The following THADA variants were observed in gnomAD, a reference collection of about 807,000 sequenced individuals.
THADA encodes tRNA (32-2'-O)-methyltransferase regulator THADA.
A neutral mutation model predicts 219.8 loss-of-function variants in THADA; 213 were observed. That is an observed-to-expected ratio of 0.97 (90% CI 0.87 to 1.09). The LOEUF (loss-of-function observed/expected upper bound fraction) is 1.09. THADA is among the 50% of genes least tolerant of loss of function. The probability of loss-of-function intolerance (pLI) is 0.00; values close to 1 mark genes in which losing one functional copy is unlikely to be tolerated. For missense variants in THADA, 2,956 were observed against 2,311.3 expected (o/e 1.28, Z -5.72); for synonymous variants, 1,018 against 828.9 (o/e 1.23, Z -3.92).
chr2:43,260,152 C>T (rs1301388057), intron 36 of THADA, among the ~76,000 whole-genome samples: 1 of 152,130 alleles, frequency 6.6e-6, no homozygotes, highest in African/African-American at 2.4e-5. Context: ...TCCAGCTGGT[C>T]TCGAACTCCT....
intron 21 of THADA, among the ~76,000 whole-genome samples, chr2:43,535,558 G>A (rs965086397): frequency 6.7e-6 from 1 of 149,382 alleles, no homozygotes; most frequent in African/African-American, 2.5e-5. Flanking sequence ...GCACATGCTT[G>A]TAATCGAAGC....
At chr2:43,430,694 C>T (rs1170586960) in intron 26 of THADA, 1 of 455,274 alleles carries the variant, frequency 2.2e-6, no homozygotes, top group South Asian at 1.6e-5. Flanking sequence ...AACAAGCGTT[C>T]CCAACCCTGG....
At chr2:43,531,433 G>A (rs188084983) in intron 21 of THADA, among the ~76,000 whole-genome samples, 1 of 152,308 alleles carries the variant, frequency 6.6e-6, no homozygotes, top group East Asian at 1.9e-4. Context: ...CTGGCTGAGT[G>A]ACCTAGAGGT....
intron 29 of THADA, among the ~76,000 whole-genome samples, chr2:43,344,896 T>C (rs1406929347): frequency 6.6e-6 from 1 of 152,148 alleles, no homozygotes; most frequent in African/African-American, 2.4e-5. Context: ...GATTCAGCAA[T>C]GACATCCGCA....
chr2:43,514,672 T>C (rs1168339841), intron 22 of THADA, among the ~76,000 whole-genome samples: 7 of 85,686 alleles, frequency 8.2e-5, no homozygotes. Context: ...TAATAATATA[T>C]AATATATTAT....
chr2:43,313,971 A>G (rs1677795809), intron 31 of THADA, among the ~76,000 whole-genome samples: 1 of 152,260 alleles, frequency 6.6e-6, no homozygotes, highest in Non-Finnish European at 1.5e-5. Context: ...AAGGAACATT[A>G]GTACTTTCTT....
chr2:43,289,102 A>G (rs1407467052), intron 34 of THADA, among the ~76,000 whole-genome samples: 3 of 152,256 alleles, frequency 2.0e-5, no homozygotes, highest in Admixed American at 6.5e-5. Context: ...TTTACTTAGC[A>G]TAATGTTTTC....
intron 29 of THADA, among the ~76,000 whole-genome samples, chr2:43,393,043 T>C (rs1168828783): frequency 6.6e-6 from 1 of 152,204 alleles, no homozygotes; most frequent in Non-Finnish European, 1.5e-5. Context: ...GTGGGGCAAC[T>C]ATGGACTTGG....
intron 29 of THADA, among the ~76,000 whole-genome samples, chr2:43,353,017 C>A (rs1486516646): frequency 6.6e-6 from 1 of 152,152 alleles, no homozygotes; most frequent in Non-Finnish European, 1.5e-5. Flanking sequence ...CTGTGTCTGG[C>A]TTATTTCTCT....
rs549337182 is a variant in THADA at position 43,475,202 on chromosome 2, A to T, written c.3836+10032T>A. 4.9e-4 allele frequency among the ~76,000 whole-genome samples: 74 copies of T among 152,206 alleles called. 2 individuals carry two copies. In the South Asian group the frequency reaches 0.015, roughly 31 times the overall value. ...GAGGCTGAGGTGGGTGGATCACTTG[A>T]GCTCAGGAATTTGAGACCAGCCTGG... On this transcript the variant is annotated intron_variant, in intron 26 of 37. Coordinates refer to ENST00000405975, the MANE Select transcript of THADA (RefSeq NM_022065.5).
chr2:43,282,647 T>C (rs192092923), intron 35 of THADA, among the ~76,000 whole-genome samples: 187 of 152,212 alleles, frequency 1.2e-3, no homozygotes, highest in Non-Finnish European at 2.2e-3. Context: ...GAGGGCAGGG[T>C]TGGGGTTGAA....
Position 43,291,736 on chromosome 2 carries a change from G to A in THADA, c.4970C>T (p.Ala1657Val). ...CATGTGGTGGGAAATGACTTTGGAA[G>A]CAAGTCTCAGAGCTACACTCTGAAT... Reference protein sequence around the residue: ...SEIQSVALRLASKVISHHMQT... With the variant: ...SEIQSVALRLVSKVISHHMQT... Residue 1657 changes from alanine (A) to valine (V), a missense_variant, in exon 34 of 38, where the codon GCT becomes GTT. By Grantham distance (64) the Ala-to-Val change is moderately conservative. Coordinates refer to ENST00000405975, the MANE Select transcript of THADA (RefSeq NM_022065.5). The A allele has an allele frequency of 1.3e-6, 2 of 1,556,112 alleles. No individual in the cohort carries two copies. The highest frequency in any genetic ancestry group is 1.7e-6 in the Non-Finnish European group (2 of 1,148,426).
intron 29 of THADA, among the ~76,000 whole-genome samples, chr2:43,369,259 ACTCATGTCTTC>A (rs542801956): frequency 6.6e-6 from 1 of 151,990 alleles, no homozygotes; most frequent in East Asian, 1.9e-4. Flanking sequence ...TGTCCTCCTT[ACTCATGTCTTC>A]CTGCCCACTT....
chr2:43,580,730 A>G (rs1700341918), intron 8 of THADA, among the ~76,000 whole-genome samples: 1 of 151,868 alleles, frequency 6.6e-6, no homozygotes, highest in African/African-American at 2.4e-5. Context: ...CAAAAAAAAA[A>G]TTAGCCAGGC....
chr2:43,235,407 C>T (rs528481902), intron 36 of THADA, among the ~76,000 whole-genome samples: 13 of 152,146 alleles, frequency 8.5e-5, no homozygotes, highest in African/African-American at 3.1e-4. Context: ...GATTCTCCTG[C>T]CTCAGCCTCC....
intron 26 of THADA, among the ~76,000 whole-genome samples, chr2:43,453,179 C>T (rs17030818): frequency 0.11 from 16,765 of 152,228 alleles, 1,055 homozygotes; most frequent in African/African-American, 0.16. Flanking sequence ...CTGGTATACA[C>T]ATATTTTCCC....
intron 28 of THADA, among the ~76,000 whole-genome samples, chr2:43,403,005 C>A (rs1365954285): frequency 6.6e-6 from 1 of 152,202 alleles, no homozygotes; most frequent in Non-Finnish European, 1.5e-5. Flanking sequence ...CTAGTATGTG[C>A]CAGGACTGGC....
At chr2:43,573,648 CTT>C (rs34752311) in intron 11 of THADA, among the ~76,000 whole-genome samples, 2 of 152,118 alleles carry the variant, frequency 1.3e-5, no homozygotes, top group Admixed American at 1.3e-4. Flanking sequence ...CATGGTTACT[CTT>C]TGAAGTACTG....
intron 24 of THADA, among the ~76,000 whole-genome samples, chr2:43,503,344 A>G (rs1423267082): frequency 6.6e-6 from 1 of 152,234 alleles, no homozygotes; most frequent in Non-Finnish European, 1.5e-5. Context: ...GAAATAGAAT[A>G]AAATACTGTT....
Sources: allele counts gnomAD v4.1 joint callset (sites outside exome capture counted in the v4.1 genomes callset), GRCh38; gene constraint gnomAD v4.1.1; transcripts MANE v1.5; gene names NCBI Gene and HGNC (gene_info 2026-07-23, HGNC 2026-07-21).